ZFPM2: variants seen among roughly 807,000 people sequenced by gnomAD.
The protein encoded by ZFPM2 is zinc finger protein ZFPM2.
Under a neutral mutation model 98.6 loss-of-function variants are expected in ZFPM2, and 20 were observed. That is an observed-to-expected ratio of 0.20 (90% CI 0.14 to 0.29). ZFPM2 has a LOEUF of 0.29. ZFPM2 is among the 10% of genes least tolerant of loss of function. The probability of loss-of-function intolerance (pLI) is 1.00; values close to 1 mark genes in which losing one functional copy is unlikely to be tolerated. For missense variants in ZFPM2, 1,310 were observed against 1,388.6 expected (o/e 0.94, Z 0.90); for synonymous variants, 518 against 502.7 (o/e 1.03, Z -0.41).
intron 1 of ZFPM2, among the ~76,000 whole-genome samples, chr8:105,404,042 A>ACAACAG (rs1322048908): frequency 4.6e-4 from 64 of 138,240 alleles, no homozygotes; most frequent in African/African-American, 1.3e-3. Flanking sequence ...AACAACAACA[A>ACAACAG]CAGCAGCATA....
chr8:105,553,944 T>A (rs1344414898), intron 3 of ZFPM2, among the ~76,000 whole-genome samples: 1 of 152,140 alleles, frequency 6.6e-6, no homozygotes, highest in East Asian at 1.9e-4. Context: ...ACTTACAAGG[T>A]TCGATTTATT....
chr8:105,426,857 T>C (rs564756393), intron 2 of ZFPM2, among the ~76,000 whole-genome samples: 36 of 152,176 alleles, frequency 2.4e-4, no homozygotes, highest in African/African-American at 7.5e-4. Flanking sequence ...CTCTGGAGGC[T>C]GAGGCAGGAG....
At chr8:105,418,875 G>T (rs1018979032) in intron 1 of ZFPM2, 1 of 564,438 alleles carries the variant, frequency 1.8e-6, no homozygotes, top group Non-Finnish European at 3.2e-6. Context: ...ATAAGTTTGG[G>T]GCTTGAGGTT....
intron 1 of ZFPM2, among the ~76,000 whole-genome samples, chr8:105,384,708 G>A (rs1484755532): frequency 1.3e-5 from 2 of 152,086 alleles, no homozygotes; most frequent in African/African-American, 2.4e-5. Flanking sequence ...TGCTAAGGGG[G>A]ACTGATGACA....
chr8:105,521,165 G>A (rs1002040927), intron 3 of ZFPM2, among the ~76,000 whole-genome samples: 2 of 150,084 alleles, frequency 1.3e-5, no homozygotes, highest in Admixed American at 6.7e-5. Context: ...ACACACACAC[G>A]CATGCACACA....
At chr8:105,781,380 GCTTT>G (rs1229163965) in intron 5 of ZFPM2, among the ~76,000 whole-genome samples, 1 of 152,168 alleles carries the variant, frequency 6.6e-6, no homozygotes, top group African/African-American at 2.4e-5. Flanking sequence ...CATAGTAAGT[GCTTT>G]CTAAGTGTTA....
chr8:105,654,753 C>T (rs561876439), intron 5 of ZFPM2, among the ~76,000 whole-genome samples: 2 of 152,182 alleles, frequency 1.3e-5, no homozygotes, highest in East Asian at 3.9e-4. Context: ...AGGAGAGATG[C>T]CTGAACTTAT....
chr8:105,546,950 G>GAAT, intron 3 of ZFPM2, among the ~76,000 whole-genome samples: 1 of 152,042 alleles, frequency 6.6e-6, no homozygotes, highest in Non-Finnish European at 1.5e-5. Context: ...TTCTTTTCCA[G>GAAT]AATAAAAGTA....
chr8:105,561,521 A>G (rs767670792), intron 4 of ZFPM2, 40 bp downstream of exon 4: 1 of 1,466,128 alleles, frequency 6.8e-7, no homozygotes, highest in South Asian at 1.3e-5. Context: ...TTTGTCATCG[A>G]CTGTTAGTAT....
At chr8:105,407,201 G>A (rs577382147) in intron 1 of ZFPM2, among the ~76,000 whole-genome samples, 81 of 151,572 alleles carry the variant, frequency 5.3e-4, no homozygotes, top group African/African-American at 1.9e-3. Context: ...TCAAAACAGG[G>A]GATGGGTGGT....
At chr8:105,471,979 G>A (rs1315977599) in intron 3 of ZFPM2, among the ~76,000 whole-genome samples, 1 of 152,062 alleles carries the variant, frequency 6.6e-6, no homozygotes, top group Non-Finnish European at 1.5e-5. Flanking sequence ...AAAAAATGTG[G>A]TCGGTGGATT....
intron 3 of ZFPM2, among the ~76,000 whole-genome samples, chr8:105,521,264 A>C (rs1006281973): frequency 6.6e-6 from 1 of 152,100 alleles, no homozygotes; most frequent in Non-Finnish European, 1.5e-5. Flanking sequence ...AGCAATTTCT[A>C]GAAGATGGAA....
chr8:105,489,464 A>AT (rs766917775), intron 3 of ZFPM2, among the ~76,000 whole-genome samples: 59 of 78,888 alleles, frequency 7.5e-4, no homozygotes, highest in South Asian at 1.6e-3. Context: ...ATATATATAT[A>AT]TATTTTTTTT....
chr8:105,745,288 T>TC (rs1812316789), intron 5 of ZFPM2, among the ~76,000 whole-genome samples: 1 of 152,150 alleles, frequency 6.6e-6, no homozygotes, highest in African/African-American at 2.4e-5. Context: ...TGAATTGTCT[T>TC]AAATGTTTCA....
intron 5 of ZFPM2, among the ~76,000 whole-genome samples, chr8:105,696,667 G>A (rs1215674458): frequency 1.3e-5 from 2 of 152,080 alleles, no homozygotes; most frequent in Non-Finnish European, 2.9e-5. Flanking sequence ...ACACAAATAT[G>A]AAATATTTTT....
intron 5 of ZFPM2, among the ~76,000 whole-genome samples, chr8:105,656,550 G>A (rs1817289651): frequency 6.6e-6 from 1 of 152,152 alleles, no homozygotes; most frequent in Non-Finnish European, 1.5e-5. Context: ...CCCAAACTGT[G>A]CCCTACAGGT....
chr8:105,399,306 G>A (rs1230698468), intron 1 of ZFPM2, among the ~76,000 whole-genome samples: 5 of 152,190 alleles, frequency 3.3e-5, no homozygotes, highest in African/African-American at 9.7e-5. Flanking sequence ...TTAGAAAGCT[G>A]GTCACTGCAT....
chr8:105,543,597 A>G (rs1814627367), intron 3 of ZFPM2, among the ~76,000 whole-genome samples: 1 of 152,162 alleles, frequency 6.6e-6, no homozygotes, highest in South Asian at 2.1e-4. Flanking sequence ...AGAGTATTAA[A>G]AAGGATCTTT....
At chr8:105,612,323 G>A (rs1398003832) in intron 4 of ZFPM2, among the ~76,000 whole-genome samples, 1 of 151,832 alleles carries the variant, frequency 6.6e-6, no homozygotes, top group Non-Finnish European at 1.5e-5. Flanking sequence ...AAAGTGCATT[G>A]GTTTTCATGT....
Sources: gnomAD v4.1 joint callset for allele counts (sites outside exome capture counted in the v4.1 genomes callset) on GRCh38, gnomAD v4.1.1 for gene constraint, MANE v1.5 for transcripts, NCBI Gene and HGNC (gene_info 2026-07-23, HGNC 2026-07-21) for gene names.